EHMT1: variants seen among roughly 807,000 people sequenced by gnomAD.
The protein encoded by EHMT1 is histone-lysine N-methyltransferase EHMT1.
Under a neutral mutation model 147.2 loss-of-function variants are expected in EHMT1, and 15 were observed. The ratio of observed to expected loss-of-function variants is 0.10; its 90% confidence interval spans 0.07 to 0.16. The LOEUF (loss-of-function observed/expected upper bound fraction) is 0.16. Among genes scored for constraint, EHMT1 ranks in the 10% least tolerant of loss-of-function variants. The pLI is 1.00. For missense variants in EHMT1, 1,587 were observed against 1,772.4 expected (o/e 0.90, Z 1.88); for synonymous variants, 795 against 709.6 (o/e 1.12, Z -1.91).
intron 22 of EHMT1, 22 bp from the exon 23 acceptor site, chr9:137,815,925 C>T (rs1386325480): frequency 1.3e-6 from 2 of 1,577,628 alleles, no homozygotes; most frequent in South Asian, 2.3e-5. Context: ...CTGCTGGGCC[C>T]TTGCTGCTCA....
At chr9:137,808,231 A>G (rs1008048030) in intron 18 of EHMT1, among the ~76,000 whole-genome samples, 1 of 151,042 alleles carries the variant, frequency 6.6e-6, no homozygotes, top group Non-Finnish European at 1.5e-5. Flanking sequence ...GTCCTGCCGG[A>G]TGACCCACTT....
chr9:137,751,025 A>G (rs559895216), intron 6 of EHMT1, among the ~76,000 whole-genome samples: 1 of 152,364 alleles, frequency 6.6e-6, no homozygotes, highest in East Asian at 1.9e-4. Flanking sequence ...TGCACAACTC[A>G]GAATATATGA....
At chr9:137,633,403 G>A (rs1843753704) in intron 1 of EHMT1, among the ~76,000 whole-genome samples, 1 of 151,684 alleles carries the variant, frequency 6.6e-6, no homozygotes, top group South Asian at 2.1e-4. Context: ...GGGGTTCAAT[G>A]TTAATGTTCC....
chr9:137,731,270 C>G lies in EHMT1; in HGVS notation c.823+2741C>G, dbSNP rs1947086436. Among the ~76,000 whole-genome samples the G allele has an allele frequency of 6.6e-6, 1 of 152,200 alleles. No homozygotes were observed. The highest frequency in any genetic ancestry group is 1.5e-5 in the Non-Finnish European group (1 of 68,038). On this transcript the variant is annotated intron_variant, in intron 4 of 26. Transcript: ENST00000460843. The surrounding 1 kb of genome is among the most constrained non-coding windows in gnomAD (Gnocchi z 4.3). ...GGAGATGTGCTCGGCAGTTAGCTGC[C>G]TGCTGTGGTCCAGTGGTTAAGATAC... is the stretch of plus-strand genomic sequence containing the variant.
At chr9:137,661,005 C>A (rs977633005) in intron 1 of EHMT1, among the ~76,000 whole-genome samples, 1 of 152,124 alleles carries the variant, frequency 6.6e-6, no homozygotes, top group East Asian at 1.9e-4. Flanking sequence ...CCTCAGATTC[C>A]TTGTCTAATT....
chr9:137,711,014 C>T lies in EHMT1; in HGVS notation c.69C>T (p.Thr23=), dbSNP rs529750103. Residue 23 remains threonine (T), a synonymous_variant, in exon 2 of 27, where the codon ACC becomes ACT. Transcript: ENST00000460843. ...GEPQQDCCVK[T]ELLGEETPMA... ...CTCAGCAGGATTGCTGTGTGAAAACCGAGCTGCTGGGAGAAGGTGAGGGCG... is the reference window on the plus strand; with the variant it reads ...CTCAGCAGGATTGCTGTGTGAAAACTGAGCTGCTGGGAGAAGGTGAGGGCG... 9.5e-5 allele frequency: 151 copies of T among 1,595,570 alleles called. No individual in the cohort carries two copies. The highest frequency in any genetic ancestry group is 1.2e-4 in the Non-Finnish European group (136 of 1,171,692).
In EHMT1 at chr9:137,834,513, C is replaced by G. The variant is rs548619730; in HGVS notation, c.3705C>G (p.Gly1235=). 3 of 1,610,940 alleles carry G rather than the reference C, an allele frequency of 1.9e-6. No homozygotes were observed. The highest frequency in any genetic ancestry group is 2.2e-5 in the South Asian group (2 of 91,062). ...TCAGCACCCGCCTGATCGAGGCCGG[C>G]GAGCAGCTCGGGTACGCACCGCCCC... The part of the protein sequence containing the change: ...AFFSTRLIEA[G]EQLGFDYGER... Residue 1235 remains glycine (G), a synonymous_variant, in exon 26 of 27, where the codon GGC becomes GGG. Coordinates refer to ENST00000460843, the MANE Select transcript of EHMT1 (RefSeq NM_024757.5).
In EHMT1 at chr9:137,762,787, C is replaced by T; in HGVS notation, c.1614C>T (p.Asn538=). ...GAGAGATCACCACACTGGCCAACAA[C>T]CAGTGCATGGCTACAGAGAGCGTGG... ...KSREITTLAN[N]QCMATESVDH... Residue 538 remains asparagine (N), a synonymous_variant, in exon 10 of 27, where the codon AAC becomes AAT. Transcript: ENST00000460843. The T allele has an allele frequency of 6.2e-7, 1 of 1,614,228 alleles. No individual in the cohort carries two copies. Among genetic ancestry groups the T allele is most frequent in the Non-Finnish European group, 8.5e-7 (1 of 1,180,048 alleles).
Position 137,718,588 on chromosome 9 carries a change from G to A in EHMT1, c.642+1406G>A, listed in dbSNP as rs1341497736. ...CCCATGGAGCTCCTCTTAAATGGCCGGCTCTTCTGTCCTCCTGGGCAGTTC... is the reference window on the plus strand; with the variant it reads ...CCCATGGAGCTCCTCTTAAATGGCCAGCTCTTCTGTCCTCCTGGGCAGTTC... On this transcript the variant is annotated intron_variant, in intron 3 of 26. Transcript: ENST00000460843. Among the ~76,000 whole-genome samples the A allele has an allele frequency of 2.6e-5, 4 of 151,676 alleles. No homozygotes were observed. The East Asian group carries it at 5.8e-4, about 22-fold the overall frequency.
intron 1 of EHMT1, among the ~76,000 whole-genome samples, chr9:137,649,350 C>A (rs1054260750): frequency 6.6e-6 from 1 of 152,106 alleles, no homozygotes; most frequent in African/African-American, 2.4e-5. Context: ...ATCCCAGATA[C>A]TGCGGAGGCC....
chr9:137,754,779 A>G (rs1427119714), intron 8 of EHMT1, among the ~76,000 whole-genome samples: 1 of 152,196 alleles, frequency 6.6e-6, no homozygotes, highest in Non-Finnish European at 1.5e-5. Context: ...GGCCTCCCAA[A>G]GTGCTGGGAT....
chr9:137,773,816 G>C (rs1950746833), intron 10 of EHMT1, among the ~76,000 whole-genome samples: 1 of 152,158 alleles, frequency 6.6e-6, no homozygotes. Context: ...CCTTTGGGGG[G>C]CATTTGTAGT....
intron 10 of EHMT1, among the ~76,000 whole-genome samples, chr9:137,765,732 C>G (rs934501340): frequency 9.9e-5 from 15 of 151,104 alleles, no homozygotes; most frequent in South Asian, 8.5e-4. Flanking sequence ...CCAGCAGCCT[C>G]TGTCCCGACT....
intron 17 of EHMT1, chr9:137,800,495 T>C (rs544432559): frequency 3.7e-6 from 1 of 272,776 alleles, no homozygotes; most frequent in African/African-American, 2.2e-5. Flanking sequence ...AGGCTGCTGG[T>C]GCGCTCCGGG....
chr9:137,745,877 A>T (rs1588491576), intron 6 of EHMT1: 1 of 235,812 alleles, frequency 4.2e-6, no homozygotes, highest in Non-Finnish European at 8.1e-6. Flanking sequence ...CTTCCCCAGC[A>T]GGGCTGCCTT....
chr9:137,816,070 G>A lies in EHMT1; in HGVS notation c.3374+8G>A, dbSNP rs1954894405. ...CGTACAGAATGGTCTCAGGTGAGAG[G>A]CAGCTTCCTGCCGGAGCCCCACATT... On this transcript the variant is annotated splice_region_variant and intron_variant, in intron 23 of 26. Coordinates refer to ENST00000460843, the MANE Select transcript of EHMT1 (RefSeq NM_024757.5). The A allele has an allele frequency of 6.2e-7, 1 of 1,605,294 alleles. No homozygotes were observed. The highest frequency in any genetic ancestry group is 1.3e-5 in the African/African-American group (1 of 74,768).
intron 1 of EHMT1, among the ~76,000 whole-genome samples, chr9:137,682,619 C>T (rs1190978259): frequency 6.6e-6 from 1 of 152,172 alleles, no homozygotes; most frequent in Non-Finnish European, 1.5e-5. Flanking sequence ...CAGCTTAGAT[C>T]AGCTTCTGCT....
rs768877587 is a variant in EHMT1 at position 137,775,285 on chromosome 9, C to T, written c.1791+33C>T. 2 of 1,603,938 alleles carry T rather than the reference C, an allele frequency of 1.2e-6. No individual in the cohort carries two copies. Among genetic ancestry groups the T allele is most frequent in the South Asian group, 2.2e-5 (2 of 90,818 alleles). On this transcript the variant is annotated intron_variant, in intron 11 of 26. Coordinates refer to ENST00000460843, the MANE Select transcript of EHMT1 (RefSeq NM_024757.5). This position sits in a 1 kb window ranked among gnomAD's most constrained non-coding sequence, Gnocchi z 6.1. ...CCCAGTCCGGCAGCCTCTGAGTCCT[C>T]CGCAGGCTTTGCTGTCTGCTCACTG...
At chr9:137,736,525 A>G (rs1218145438) in intron 4 of EHMT1, among the ~76,000 whole-genome samples, 1 of 152,266 alleles carries the variant, frequency 6.6e-6, no homozygotes, top group Non-Finnish European at 1.5e-5. Context: ...ACTCTTCTCA[A>G]GTGCACCTGG....
Sources: gnomAD v4.1 joint callset for allele counts (sites outside exome capture counted in the v4.1 genomes callset) on GRCh38, gnomAD v4.1.1 for gene constraint, Gnocchi (gnomAD v3.1) non-coding constraint, MANE v1.5 for transcripts, NCBI Gene and HGNC (gene_info 2026-07-23, HGNC 2026-07-21) for gene names.